Variants in AGBL4 observed in about 807,000 individuals in gnomAD.
The protein encoded by AGBL4 is cytosolic carboxypeptidase 6.
A neutral mutation model predicts 66.4 loss-of-function variants in AGBL4; 58 were observed. The observed-to-expected ratio is 0.87, with a 90% confidence interval of 0.71 to 1.09. The LOEUF is 1.09. AGBL4 is among the 50% of genes least tolerant of loss of function. The pLI, the probability that AGBL4 is intolerant of heterozygous loss-of-function variation, is 0.00. For synonymous variants in AGBL4, 234 were observed against 222.9 expected (o/e 1.05, Z -0.44); for missense variants, 579 against 631.0 (o/e 0.92, Z 0.88).
intron 3 of AGBL4, among the ~76,000 whole-genome samples, chr1:49,387,694 C>T (rs1231586007): frequency 6.6e-6 from 1 of 152,030 alleles, no homozygotes; most frequent in Non-Finnish European, 1.5e-5. Context: ...GTTTTCAAAA[C>T]ACCAATCCTA....
intron 8 of AGBL4, among the ~76,000 whole-genome samples, chr1:48,636,999 T>C (rs1299362246): frequency 6.6e-6 from 1 of 152,204 alleles, no homozygotes; most frequent in African/African-American, 2.4e-5. Context: ...GTTGCTGGGA[T>C]AGAGTGATTG....
At chr1:49,653,837 C>T (rs574973836) in intron 3 of AGBL4, among the ~76,000 whole-genome samples, 5 of 151,320 alleles carry the variant, frequency 3.3e-5, no homozygotes, top group African/African-American at 7.3e-5. Context: ...AAAGACTGAA[C>T]GTACGACTGA....
chr1:49,366,836 G>T (rs1309588082), intron 3 of AGBL4, among the ~76,000 whole-genome samples: 1 of 152,150 alleles, frequency 6.6e-6, no homozygotes, highest in Non-Finnish European at 1.5e-5. Flanking sequence ...ACTTAGAAAG[G>T]TCTTCCTTTG....
At chr1:49,408,016 C>G (rs993595678) in intron 3 of AGBL4, among the ~76,000 whole-genome samples, 1 of 152,186 alleles carries the variant, frequency 6.6e-6, no homozygotes, top group African/African-American at 2.4e-5. Context: ...GTCACATTCC[C>G]AGCTCAGACA....
At chr1:48,982,624 C>G (rs1458092064) in intron 5 of AGBL4, among the ~76,000 whole-genome samples, 1 of 151,976 alleles carries the variant, frequency 6.6e-6, no homozygotes, top group Non-Finnish European at 1.5e-5. Context: ...GGGTTGGTTC[C>G]AAGTCTTTGC....
chr1:48,750,088 T>C (rs1651439268), intron 6 of AGBL4, among the ~76,000 whole-genome samples: 1 of 152,188 alleles, frequency 6.6e-6, no homozygotes, highest in Non-Finnish European at 1.5e-5. Flanking sequence ...CCCTGACCTC[T>C]GCTGATACTC....
chr1:49,939,483 T>C (rs1250775781), intron 1 of AGBL4, among the ~76,000 whole-genome samples: 1 of 151,868 alleles, frequency 6.6e-6, no homozygotes, highest in East Asian at 1.9e-4. Flanking sequence ...CAAAACAGCA[T>C]GGTACTGGTA....
At chr1:49,172,024 C>T (rs1332871688) in intron 4 of AGBL4, among the ~76,000 whole-genome samples, 1 of 152,140 alleles carries the variant, frequency 6.6e-6, no homozygotes, top group Non-Finnish European at 1.5e-5. Context: ...AAACTCAAAA[C>T]AACTAATGCT....
intron 5 of AGBL4, among the ~76,000 whole-genome samples, chr1:49,041,640 C>T (rs932924749): frequency 2.6e-5 from 4 of 152,022 alleles, no homozygotes; most frequent in Non-Finnish European, 1.5e-5. Context: ...TTATTTACCC[C>T]CAAACTGGGA....
At chr1:49,246,461 T>C (rs1011092582) in intron 3 of AGBL4, among the ~76,000 whole-genome samples, 1 of 151,946 alleles carries the variant, frequency 6.6e-6, no homozygotes, top group African/African-American at 2.4e-5. Flanking sequence ...ATACATCCTC[T>C]TTCGTACCCT....
chr1:49,633,352 G>A lies in AGBL4; in HGVS notation c.282+63961C>T, dbSNP rs190683981. Reference sequence around the variant, plus strand: ...GGACTTATGTCTATTTAACAATTTAGCACAGACTGACATATTGGAGGGGCT... The same window carrying A: ...GGACTTATGTCTATTTAACAATTTAACACAGACTGACATATTGGAGGGGCT... On this transcript the variant is annotated intron_variant, in intron 3 of 13. Transcript: ENST00000371839. Among the ~76,000 whole-genome samples, 804 of 152,240 alleles carry A rather than the reference G, an allele frequency of 5.3e-3. 3 individuals carry two copies. The highest frequency in any genetic ancestry group is 0.017 in the Middle Eastern group (5 of 294).
chr1:48,846,362 GAAGAAAGAAAGA>G (rs72459142), intron 6 of AGBL4, among the ~76,000 whole-genome samples: 2,124 of 118,664 alleles, frequency 0.018, 45 homozygotes, highest in African/African-American at 0.042. Flanking sequence ...GAGAAAGAAA[GAAGAAAGAAAGA>G]AAGAAAGAAA....
At chr1:49,034,152 A>G (rs1664453903) in intron 5 of AGBL4, among the ~76,000 whole-genome samples, 1 of 152,050 alleles carries the variant, frequency 6.6e-6, no homozygotes, top group Non-Finnish European at 1.5e-5. Flanking sequence ...CATTCATCAT[A>G]CCATTAAACT....
At chr1:49,845,070 A>G in intron 2 of AGBL4, 1 of 1,448,914 alleles carries the variant, frequency 6.9e-7, no homozygotes, top group South Asian at 1.2e-5. Context: ...TAAAAGAGAA[A>G]CCCTACAAAT....
intron 6 of AGBL4, among the ~76,000 whole-genome samples, chr1:48,763,809 T>A (rs1232917595): frequency 6.6e-6 from 1 of 152,176 alleles, no homozygotes; most frequent in Non-Finnish European, 1.5e-5. Flanking sequence ...AAAAACAAGG[T>A]TCTAAATGGT....
At chr1:49,730,254 G>A (rs1358343423) in intron 2 of AGBL4, among the ~76,000 whole-genome samples, 1 of 152,000 alleles carries the variant, frequency 6.6e-6, no homozygotes, top group South Asian at 2.1e-4. Context: ...TATTCTTCTT[G>A]GTCACGGGAC....
rs557483402 is a variant in AGBL4, at chr1:48,658,643, C to T, written c.724+4509G>A. Among the ~76,000 whole-genome samples the T allele has an allele frequency of 7.2e-5, 11 of 152,246 alleles. No homozygotes were observed. The South Asian group carries it at 1.0e-3, about 14-fold the overall frequency. Reference sequence around the variant, plus strand: ...GAAAAGTGAAAGGCCCCGTCACAAACGCTTAGTGGATCTAGCACCACACCT... The same window carrying T: ...GAAAAGTGAAAGGCCCCGTCACAAATGCTTAGTGGATCTAGCACCACACCT... On this transcript the variant is annotated intron_variant, in intron 7 of 13. Transcript: ENST00000371839.
chr1:49,565,928 T>G (rs1374383543), intron 3 of AGBL4, among the ~76,000 whole-genome samples: 1 of 152,212 alleles, frequency 6.6e-6, no homozygotes, highest in African/African-American at 2.4e-5. Flanking sequence ...CCCGTCACTT[T>G]CAGGTACACC....
At chr1:49,242,387 C>T (rs1369134057) in intron 4 of AGBL4, among the ~76,000 whole-genome samples, 1 of 151,952 alleles carries the variant, frequency 6.6e-6, no homozygotes, top group Non-Finnish European at 1.5e-5. Context: ...TTCTTTTTGT[C>T]TCCTTCTTCC....
Sources: allele counts gnomAD v4.1 joint callset (sites outside exome capture counted in the v4.1 genomes callset), GRCh38; gene constraint gnomAD v4.1.1; transcripts MANE v1.5; gene names NCBI Gene and HGNC (gene_info 2026-07-23, HGNC 2026-07-21).